Variants in ELP4 observed in about 807,000 individuals in gnomAD.
ELP4 encodes elongator complex protein 4.
A neutral mutation model predicts 48.9 loss-of-function variants in ELP4; 51 were observed. That is an observed-to-expected ratio of 1.04 (90% CI 0.83 to 1.32). The LOEUF (loss-of-function observed/expected upper bound fraction) is 1.32. Ranked by LOEUF, ELP4 falls within the 40% of genes most tolerant of loss-of-function variation. The pLI is 0.00. For missense variants in ELP4, 519 were observed against 514.6 expected (o/e 1.01, Z -0.08); for synonymous variants, 210 against 189.2 (o/e 1.11, Z -0.90).
chr11:31,767,070 G>A (rs1406403303), intron 9 of ELP4, among the ~76,000 whole-genome samples: 2 of 151,954 alleles, frequency 1.3e-5, no homozygotes, highest in Admixed American at 6.6e-5. Context: ...TAATACTAAA[G>A]GCCTCTAAAG....
Position 31,785,141 on chromosome 11 carries a change from A to C in ELP4, c.*1617A>C, listed in dbSNP as rs1050237630. ...TTAAATTTTAAAGCAACTTCAAAAA[A>C]TTGATTTAGTCCATAGATAATAAAT... On this transcript the variant is annotated 3_prime_UTR_variant, in exon 10 of 10. Transcript: ENST00000640961. 5.5e-6 allele frequency: 1 copy of C among 183,436 alleles called. No homozygotes were observed. Among genetic ancestry groups the C allele is most frequent in the Non-Finnish European group, 1.2e-5 (1 of 86,328 alleles). The allele number at this position is 183,436 out of a possible 1,614,324, so 11.4% of individuals were successfully genotyped here. A position where few individuals can be genotyped will look rare whatever the true frequency, so the allele number is the denominator to read the frequency against.
chr11:31,510,236 T>A (rs1955961888), intron 1 of ELP4: 3 of 570,154 alleles, frequency 5.3e-6, no homozygotes, highest in Non-Finnish European at 3.1e-6. Flanking sequence ...TTCCCTGCCC[T>A]CCAACCCCTT....
intron 9 of ELP4, among the ~76,000 whole-genome samples, chr11:31,665,340 C>G (rs1362213380): frequency 6.6e-6 from 1 of 152,030 alleles, no homozygotes; most frequent in African/African-American, 2.4e-5. Context: ...AAAGGGAAGT[C>G]TCTCTCCCTC....
At chr11:31,600,356 T>C (rs906133424) in intron 4 of ELP4, 14 of 152,162 alleles carry the variant, frequency 9.2e-5, no homozygotes, top group African/African-American at 2.7e-4. Context: ...CTCAGTATTG[T>C]AGAGCTCTAA....
At chr11:31,729,144 T>G (rs1237503254) in intron 9 of ELP4, among the ~76,000 whole-genome samples, 1 of 152,182 alleles carries the variant, frequency 6.6e-6, no homozygotes, top group Non-Finnish European at 1.5e-5. Context: ...TTGTAGCTCA[T>G]TTTAAAATGT....
chr11:31,737,408 T>A (rs375821618), intron 9 of ELP4, among the ~76,000 whole-genome samples: 2 of 152,030 alleles, frequency 1.3e-5, no homozygotes, highest in Non-Finnish European at 2.9e-5. Context: ...ACATGGCACA[T>A]GTATACGTAT....
intron 3 of ELP4, among the ~76,000 whole-genome samples, chr11:31,562,877 C>T (rs1957044550): frequency 6.6e-6 from 1 of 151,978 alleles, no homozygotes; most frequent in Non-Finnish European, 1.5e-5. Flanking sequence ...AGTCACCCCT[C>T]CCCCATATTT....
At chr11:31,537,859 A>C (rs959769199) in intron 2 of ELP4, among the ~76,000 whole-genome samples, 4 of 152,142 alleles carry the variant, frequency 2.6e-5, no homozygotes, top group Non-Finnish European at 4.4e-5. Context: ...CCTGTATTCT[A>C]TGACCTTGGA....
intron 4 of ELP4, among the ~76,000 whole-genome samples, chr11:31,597,419 AAT>A (rs1388914723): frequency 1.3e-5 from 2 of 152,174 alleles, no homozygotes; most frequent in Admixed American, 1.3e-4. Context: ...TGTCTAGAAA[AAT>A]ATGAGTTAAG....
At chr11:31,520,391 A>G (rs1362737968) in intron 2 of ELP4, among the ~76,000 whole-genome samples, 1 of 152,182 alleles carries the variant, frequency 6.6e-6, no homozygotes, top group Non-Finnish European at 1.5e-5. Context: ...GGAGAACCTC[A>G]GTATTTAAAG....
At chr11:31,648,012 C>A in intron 8 of ELP4, 163 bp downstream of exon 8, 1 of 530,132 alleles carries the variant, frequency 1.9e-6, no homozygotes, top group Non-Finnish European at 3.4e-6. Flanking sequence ...CAGCTTATTA[C>A]CCAACTACAT....
rs193122506 is a variant in ELP4, at chr11:31,728,230, C to T, written c.1144-55163C>T. On this transcript the variant is annotated intron_variant, in intron 9 of 9. Coordinates refer to ENST00000640961, the MANE Select transcript of ELP4 (RefSeq NM_019040.5). ...GGATGGAGCTAGGGAATTAAGAATG[C>T]GAAGGGCATTTTTAGTTTTTCTTGT... Among the ~76,000 whole-genome samples the T allele has an allele frequency of 4.1e-3, 617 of 152,012 alleles. 4 individuals are homozygous for T. The highest frequency in any genetic ancestry group is 6.6e-3 in the Non-Finnish European group (445 of 67,932).
At chr11:31,606,464 CAT>C (rs1957877518) in intron 5 of ELP4, among the ~76,000 whole-genome samples, 2 of 152,006 alleles carry the variant, frequency 1.3e-5, no homozygotes, top group South Asian at 4.1e-4. Flanking sequence ...GCTCTTAAAA[CAT>C]GTAAAGATAT....
In ELP4 at chr11:31,786,282, G is replaced by GT. The variant is rs1320368999; in HGVS notation, c.*2761dup. 4 of 209,572 alleles carry GT rather than the reference G, an allele frequency of 1.9e-5. No homozygotes were observed. Among genetic ancestry groups the GT allele is most frequent in the Non-Finnish European group, 3.9e-5 (4 of 102,996 alleles). The allele number at this position is 209,572 out of a possible 1,614,324, so 13.0% of individuals were successfully genotyped here. ...AGTGGGGGGACCCCCCTATTCATTT[G>GT]TTTAAGCCCATTATTAATGTCATTT... is the stretch of plus-strand genomic sequence containing the variant. On this transcript the variant is annotated 3_prime_UTR_variant, in exon 10 of 10. Coordinates refer to ENST00000640961, the MANE Select transcript of ELP4 (RefSeq NM_019040.5).
At chr11:31,709,406 A>T (rs565435792) in intron 9 of ELP4, among the ~76,000 whole-genome samples, 2 of 152,136 alleles carry the variant, frequency 1.3e-5, no homozygotes. Flanking sequence ...TTACCGAATG[A>T]CCCAAGTTTC....
At chr11:31,534,749 A>T (rs894284831) in intron 2 of ELP4, among the ~76,000 whole-genome samples, 1 of 152,252 alleles carries the variant, frequency 6.6e-6, no homozygotes, top group African/African-American at 2.4e-5. Context: ...TTAGAAATTA[A>T]AAATTTTAAT....
intron 9 of ELP4, among the ~76,000 whole-genome samples, chr11:31,724,934 A>T (rs547891146): frequency 6.6e-6 from 1 of 152,210 alleles, no homozygotes; most frequent in Non-Finnish European, 1.5e-5. Context: ...GCAGACTTCA[A>T]TGAGGATCCT....
intron 7 of ELP4, chr11:31,646,761 C>T (rs1231818254): frequency 6.6e-6 from 1 of 151,340 alleles, no homozygotes; most frequent in East Asian, 2.0e-4. Context: ...TTCAGCTTAT[C>T]TAGATCTGCC....
intron 9 of ELP4, among the ~76,000 whole-genome samples, chr11:31,775,557 GGACGTGGTAACT>G (rs1183459859): frequency 6.6e-6 from 1 of 152,196 alleles, no homozygotes; most frequent in African/African-American, 2.4e-5. Context: ...AGGGCAGGAT[GGACGTGGTAACT>G]GACGCCTGTA....
Sources: allele counts gnomAD v4.1 joint callset (sites outside exome capture counted in the v4.1 genomes callset), GRCh38; gene constraint gnomAD v4.1.1; transcripts MANE v1.5; gene names NCBI Gene and HGNC (gene_info 2026-07-23, HGNC 2026-07-21).